ICAM2: variants seen among roughly 807,000 people sequenced by gnomAD.
ICAM2 encodes the protein ICAM-2.
A neutral mutation model predicts 19.1 loss-of-function variants in ICAM2; 14 were observed. That is an observed-to-expected ratio of 0.73 (90% CI 0.48 to 1.15). The LOEUF is 1.15. Ranked by LOEUF, ICAM2 falls within the 50% of genes most tolerant of loss-of-function variation. ICAM2 has a pLI of 0.00. For missense variants in ICAM2, 311 were observed against 355.4 expected, an observed-to-expected ratio of 0.88 and a Z score of 1.00; for synonymous variants, 153 against 152.7, an observed-to-expected ratio of 1.00 and a Z score of -0.01.
At chr17:64,015,342 A>T (rs1386263871) in intron 1 of ICAM2, among the ~76,000 whole-genome samples, 2 of 152,252 alleles carry the variant, frequency 1.3e-5, no homozygotes, top group Admixed American at 6.5e-5. Flanking sequence ...GAATTGAAGT[A>T]GATCAAGTCT....
At chr17:64,008,106 C>T (rs997281846) in intron 1 of ICAM2, among the ~76,000 whole-genome samples, 7 of 152,146 alleles carry the variant, frequency 4.6e-5, no homozygotes, top group African/African-American at 1.2e-4. Flanking sequence ...AGGGCAAAGG[C>T]GGTTACTACT....
At chr17:64,014,595 GAA>G (rs1911616904) in intron 1 of ICAM2, among the ~76,000 whole-genome samples, 1 of 119,026 alleles carries the variant, frequency 8.4e-6, no homozygotes, top group African/African-American at 2.9e-5. Context: ...AAGGAAGAAA[GAA>G]AGAAAGGGAG....
At position 64,009,010 on chromosome 17, in the gene ICAM2, C is replaced by T. The variant is rs141675436; in HGVS notation, c.-44-2275G>A. Among the ~76,000 whole-genome samples, 180 of 152,322 alleles carry T rather than the reference C, an allele frequency of 1.2e-3. 1 individual carries two copies. Among genetic ancestry groups the T allele is most frequent in the African/African-American group, 4.3e-3 (177 of 41,574 alleles). On this transcript the variant is annotated intron_variant, in intron 1 of 4. Coordinates refer to ENST00000579788, the MANE Select transcript of ICAM2 (RefSeq NM_001099789.2). ...CTGGGCAGGCCCTGCTTGGCTGGGA[C>T]ACACCGGGCATGTGACCATCTATTT...
rs1372196769 is a variant in ICAM2, at chr17:64,006,654, A to G, written c.38T>C (p.Leu13Pro). The G allele has an allele frequency of 6.2e-7, 1 of 1,614,198 alleles. No homozygotes were observed. Among genetic ancestry groups the G allele is most frequent in the Non-Finnish European group, 8.5e-7 (1 of 1,180,002 alleles). ...SFGYRTLTVALFTLICCPGSD... is the reference protein window; with the variant it reads ...SFGYRTLTVAPFTLICCPGSD... Reference sequence around the variant, plus strand: ...ACCTGGACAGCAGATCAGGGTGAAGAGGGCCACAGTCAGGGTCCTGTAACC... The same window carrying G: ...ACCTGGACAGCAGATCAGGGTGAAGGGGGCCACAGTCAGGGTCCTGTAACC... The change falls in exon 2 of 5, where the codon CTC becomes CCC. Residue 13 changes from leucine (L) to proline (P), a missense_variant. Physicochemically the swap from Leu to Pro is moderately conservative, Grantham distance 98 (BLOSUM62 -3). Transcript: ENST00000579788.
rs1911215891 is a variant in ICAM2, at chr17:64,006,513, A to T, written c.61+118T>A. Reference sequence around the variant, plus strand: ...CCCTGTCTTAAAACAAAACAAAAAAACCTAAGAACCTCAGCAACTTTTGGG... The same window carrying T: ...CCCTGTCTTAAAACAAAACAAAAAATCCTAAGAACCTCAGCAACTTTTGGG... On this transcript the variant is annotated intron_variant, in intron 2 of 4. Transcript: ENST00000579788. The T allele has an allele frequency of 1.1e-5, 9 of 806,142 alleles. No individual in the cohort carries two copies. The Admixed American group carries it at 2.0e-4, about 18-fold the overall frequency. The allele number at this position is 806,142 out of a possible 1,614,324, so 49.9% of individuals were successfully genotyped here.
chr17:64,008,771 C>A (rs1384557209), intron 1 of ICAM2, among the ~76,000 whole-genome samples: 1 of 152,172 alleles, frequency 6.6e-6, no homozygotes, highest in Non-Finnish European at 1.5e-5. Flanking sequence ...GGGCCTGCCT[C>A]ACTGTGAGGG....
At position 64,003,696 on chromosome 17, in the gene ICAM2, G is replaced by A. The variant is rs201370872; in HGVS notation, c.597C>T (p.Arg199=). 6.2e-6 allele frequency: 10 copies of A among 1,614,178 alleles called. No individual in the cohort carries two copies. Among genetic ancestry groups the A allele is most frequent in the East Asian group, 2.2e-5 (1 of 44,882 alleles). Residue 199 remains arginine (R), a synonymous_variant, in exon 4 of 5, where the codon CGC becomes CGT. Transcript: ENST00000579788. The stretch of plus-strand genomic sequence containing the variant: ...AGTGTTTGTGAAAGATGTTGCCACC[G>A]CGAGACATCAAGTCCAGCACAGCCA... ...SCLAVLDLMS[R]GGNIFHKHSA...
At position 64,002,813 on chromosome 17, in the gene ICAM2, C is replaced by G. The variant is rs1426257949; in HGVS notation, c.762G>C (p.Gln254His). 6.2e-7 allele frequency: 1 copy of G among 1,613,902 alleles called. No homozygotes were observed. The highest frequency in any genetic ancestry group is 1.7e-5 in the Admixed American group (1 of 60,026). The change falls in exon 5 of 5, where the codon CAG becomes CAC. Residue 254 changes from glutamine to histidine, a missense_variant. Gln to His is a conservative substitution (Grantham distance 24). Transcript: ENST00000579788. Reference protein sequence around the residue: ...LCFIFGQHLRQQRMGTYGVRA... With the variant: ...LCFIFGQHLRHQRMGTYGVRA... ...GCACCCCGTAGGTGCCCATCCGCTG[C>G]TGGCGCAAGTGCTGGCCGAAGATGA... is the stretch of plus-strand genomic sequence containing the variant.
chr17:64,018,379 GA>G (rs899464311), intron 1 of ICAM2, among the ~76,000 whole-genome samples: 1 of 109,406 alleles, frequency 9.1e-6, no homozygotes, highest in Non-Finnish European at 2.0e-5. Flanking sequence ...ACATTTCAAA[GA>G]AAAGGAAACA....
intron 1 of ICAM2, among the ~76,000 whole-genome samples, chr17:64,011,437 G>A (rs1911450931): frequency 6.6e-6 from 1 of 152,138 alleles, no homozygotes; most frequent in African/African-American, 2.4e-5. Context: ...ACTTCAGCCT[G>A]GGTGACAGAG....
intron 1 of ICAM2, among the ~76,000 whole-genome samples, chr17:64,017,529 TGATCTATAGGGTCA>T (rs1345722134): frequency 6.6e-6 from 1 of 152,196 alleles, no homozygotes; most frequent in Non-Finnish European, 1.5e-5. Context: ...ATTCTGTAAC[TGATCTATAGGGTCA>T]GTGCAATTCC....
In ICAM2 at chr17:64,006,668, G is replaced by T; in HGVS notation, c.24C>A (p.Thr8=). The T allele has an allele frequency of 1.2e-5, 19 of 1,614,162 alleles. No individual in the cohort carries two copies. Among genetic ancestry groups the T allele is most frequent in the South Asian group, 3.3e-5 (3 of 91,080 alleles). The part of the protein sequence containing the change: MSSFGYR[T]LTVALFTLIC... ...TCAGGGTGAAGAGGGCCACAGTCAG[G>T]GTCCTGTAACCGAAAGAGGACATCT... Residue 8 remains threonine (T), a synonymous_variant, in exon 2 of 5, where the codon ACC becomes ACA. Transcript: ENST00000579788.
intron 2 of ICAM2, chr17:64,006,150 G>C (rs1350888994): frequency 6.4e-6 from 1 of 157,220 alleles, no homozygotes. Context: ...GCTGCAGTGA[G>C]CTATGATCAC....
Position 64,005,135 on chromosome 17 carries a change from C to A in ICAM2, c.300G>T (p.Glu100Asp). ...ACACGCTGACGTTGGAATTCATTGACTCCTGCTTCCCGGAGCAGGTGAAGT... is the reference window on the plus strand; with the variant it reads ...ACACGCTGACGTTGGAATTCATTGAATCCTGCTTCCCGGAGCAGGTGAAGT... ...QCHFTCSGKQ[E>D]SMNSNVSVYQ... is the part of the protein sequence containing the mutation. The change falls in exon 3 of 5, where the codon GAG (glutamate) becomes GAT (aspartate). Residue 100 changes from glutamate (E) to aspartate (D), a missense_variant. Coordinates refer to ENST00000579788, the MANE Select transcript of ICAM2 (RefSeq NM_001099789.2). The A allele has an allele frequency of 6.2e-7, 1 of 1,614,160 alleles. No individual in the cohort carries two copies. The highest frequency in any genetic ancestry group is 8.5e-7 in the Non-Finnish European group (1 of 1,180,022).
chr17:64,005,109 T>C lies in ICAM2; in HGVS notation c.326A>G (p.Tyr109Cys). ...QESMNSNVSV[Y>C]QPPRQVILTL... is the part of the protein sequence containing the mutation. The stretch of plus-strand genomic sequence containing the variant: ...GGCCCCGCAGCACAGCCACTCACGG[T>C]ACACGCTGACGTTGGAATTCATTGA... Residue 109 changes from tyrosine (Y) to cysteine (C), a missense_variant and splice_region_variant, in exon 3 of 5, where the codon TAC becomes TGC. Physicochemically the swap from Tyr to Cys is radical, Grantham distance 194. Coordinates refer to ENST00000579788, the MANE Select transcript of ICAM2 (RefSeq NM_001099789.2). 6.2e-7 allele frequency: 1 copy of C among 1,614,064 alleles called. No individual in the cohort carries two copies. The highest frequency in any genetic ancestry group is 8.5e-7 in the Non-Finnish European group (1 of 1,179,972).
At chr17:64,013,314 G>T (rs946582842) in intron 1 of ICAM2, among the ~76,000 whole-genome samples, 3 of 151,786 alleles carry the variant, frequency 2.0e-5, no homozygotes, top group Non-Finnish European at 4.4e-5. Flanking sequence ...TCTGTCTCAA[G>T]AAATAAAAAA....
At position 64,003,690 on chromosome 17, in the gene ICAM2, G is replaced by A. The variant is rs1910979573; in HGVS notation, c.603C>T (p.Gly201=). The change falls in exon 4 of 5, where the codon GGC becomes GGT. Residue 201 remains glycine (G), a synonymous_variant. Coordinates refer to ENST00000579788, the MANE Select transcript of ICAM2 (RefSeq NM_001099789.2). ...LAVLDLMSRG[G]NIFHKHSAPK... ...GGGCTGAGTGTTTGTGAAAGATGTT[G>A]CCACCGCGAGACATCAAGTCCAGCA... The A allele has an allele frequency of 4.3e-6, 7 of 1,614,160 alleles. No homozygotes were observed. Among genetic ancestry groups the A allele is most frequent in the Non-Finnish European group, 5.1e-6 (6 of 1,180,034 alleles).
At chr17:64,005,739 C>G (rs1011940055) in intron 2 of ICAM2, among the ~76,000 whole-genome samples, 1 of 152,184 alleles carries the variant, frequency 6.6e-6, no homozygotes, top group Non-Finnish European at 1.5e-5. Flanking sequence ...TCCCCTCCCC[C>G]ATAAAGCCCT....
intron 3 of ICAM2, 171 bp downstream of exon 3, chr17:64,004,936 G>A (rs1315000506): frequency 1.4e-6 from 1 of 708,468 alleles, no homozygotes; most frequent in Non-Finnish European, 2.4e-6. Flanking sequence ...CGGGCTCAAG[G>A]CATCCAACCA....
Sources: gnomAD v4.1 joint callset for allele counts (sites outside exome capture counted in the v4.1 genomes callset) on GRCh38, gnomAD v4.1.1 for gene constraint, MANE v1.5 for transcripts, NCBI Gene and HGNC (gene_info 2026-07-23, HGNC 2026-07-21) for gene names.